Variants in MREG observed in about 807,000 individuals in gnomAD.
MREG encodes melanoregulin.
Under a neutral mutation model 28.5 loss-of-function variants are expected in MREG, and 31 were observed. The observed-to-expected ratio is 1.09, with a 90% CI of 0.82 to 1.47. MREG has a LOEUF of 1.47. MREG is among the 40% of genes most tolerant of loss of function. The pLI is 0.00. For synonymous variants in MREG, 106 were observed against 95.2 expected, an observed-to-expected ratio of 1.11 and a Z score of -0.66; for missense variants, 256 against 257.4, an observed-to-expected ratio of 0.99 and a Z score of 0.04.
At chr2:215,942,407 C>T (rs562493180), downstream of MREG, among the ~76,000 whole-genome samples, 1 of 152,274 alleles carries the variant, frequency 6.6e-6, no homozygotes, top group South Asian at 2.1e-4. Flanking sequence ...CCCCTGCGCC[C>T]CTCTCATGCA....
At chr2:216,023,691 A>G (rs961405111) in intron 1 of MREG, among the ~76,000 whole-genome samples, 1 of 152,070 alleles carries the variant, frequency 6.6e-6, no homozygotes, top group African/African-American at 2.4e-5. Flanking sequence ...TGTGTGTGTT[A>G]GAGTCTCACT....
chr2:215,996,483 G>A lies in MREG; in HGVS notation c.96-18C>T. 6.3e-7 allele frequency: 1 copy of A among 1,594,604 alleles called. No individual in the cohort carries two copies. The highest frequency in any genetic ancestry group is 8.6e-7 in the Non-Finnish European group (1 of 1,169,422). ...TGTTATCACTGTTGTATAAAAAAAG[G>A]AAAGATTGGGGTTTTATAATATACA... On this transcript the variant is annotated intron_variant, in intron 1 of 4. Coordinates refer to ENST00000263268, the MANE Select transcript of MREG (RefSeq NM_018000.3).
intron 2 of MREG, among the ~76,000 whole-genome samples, chr2:215,958,435 G>A (rs1357182422): frequency 1.3e-5 from 2 of 152,260 alleles, no homozygotes; most frequent in South Asian, 2.1e-4. Flanking sequence ...ACATCCAAAT[G>A]TATGACTGTA....
chr2:215,946,503 A>G (rs1692324415), intron 3 of MREG, among the ~76,000 whole-genome samples: 1 of 152,132 alleles, frequency 6.6e-6, no homozygotes, highest in African/African-American at 2.4e-5. Context: ...ATCCCGGGAG[A>G]ATTGAGAAAA....
Position 215,943,028 on chromosome 2 carries a change from C to T in MREG, c.*1835G>A, listed in dbSNP as rs572840102. On this transcript the variant is annotated 3_prime_UTR_variant, in exon 5 of 5. Coordinates refer to ENST00000263268, the MANE Select transcript of MREG (RefSeq NM_018000.3). ...ACAATGCATTAATAAATGGAGAACA[C>T]GGATCTCGCCTATGAAATATTTTAA... 3.1e-3 allele frequency: 478 copies of T among 155,158 alleles called. 1 individual carries two copies. Among genetic ancestry groups the T allele is most frequent in the Non-Finnish European group, 5.4e-3 (374 of 69,508 alleles). 9.6% of individuals were successfully genotyped at this position (155,158 alleles called of 1,614,324 possible).
intron 2 of MREG, among the ~76,000 whole-genome samples, chr2:215,947,764 A>T (rs899836104): frequency 1.3e-5 from 2 of 152,140 alleles, no homozygotes; most frequent in African/African-American, 4.8e-5. Context: ...TTTTTTATTC[A>T]TTTTCCTTTG....
rs562133059 is a variant in MREG at position 216,010,632 on chromosome 2, C to T, written c.95+2601G>A. Among the ~76,000 whole-genome samples the T allele has an allele frequency of 1.0e-3, 154 of 151,204 alleles. 1 individual carries two copies. Among genetic ancestry groups the T allele is most frequent in the Non-Finnish European group, 1.1e-3 (74 of 67,784 alleles). On this transcript the variant is annotated intron_variant, in intron 1 of 4. Coordinates refer to ENST00000263268, the MANE Select transcript of MREG (RefSeq NM_018000.3). Reference sequence around the variant, plus strand: ...TCGGCCTCCCAAAGTGCTGGGATTACAGGCGTGAGCCACCGTGCCCGGCAG... The same window carrying T: ...TCGGCCTCCCAAAGTGCTGGGATTATAGGCGTGAGCCACCGTGCCCGGCAG...
Position 216,024,261 on chromosome 2 carries a change from G to A in MREG, c.-68+8528C>T, listed in dbSNP as rs1694562496. ...CATAAGAAGACCAGGTGCTGGCCAGGCACGGTAGCTCAGACTTGTAATCCC... is the reference window on the plus strand; with the variant it reads ...CATAAGAAGACCAGGTGCTGGCCAGACACGGTAGCTCAGACTTGTAATCCC... On this transcript the variant is annotated intron_variant, in intron 1 of 3. Transcript: ENST00000420348. 2.6e-5 allele frequency among the ~76,000 whole-genome samples: 4 copies of A among 152,102 alleles called. No individual in the cohort carries two copies. The South Asian group carries it at 8.3e-4, about 32-fold the overall frequency.
Position 216,007,501 on chromosome 2 carries a change from C to T in MREG, c.95+5732G>A, listed in dbSNP as rs185964556. Among the ~76,000 whole-genome samples the T allele has an allele frequency of 5.7e-3, 866 of 152,056 alleles. 6 individuals are homozygous for T. The highest frequency in any genetic ancestry group is 8.1e-3 in the Non-Finnish European group (551 of 67,996). On this transcript the variant is annotated intron_variant, in intron 1 of 4. Coordinates refer to ENST00000263268, the MANE Select transcript of MREG (RefSeq NM_018000.3). ...CTGGAGTGCAGTATCTCAATCTTGGCTCACTGCAACCTCCGCCTCCCAGAT... is the reference window on the plus strand; with the variant it reads ...CTGGAGTGCAGTATCTCAATCTTGGTTCACTGCAACCTCCGCCTCCCAGAT...
At chr2:216,007,174 T>A (rs1424881293) in intron 1 of MREG, among the ~76,000 whole-genome samples, 1 of 152,210 alleles carries the variant, frequency 6.6e-6, no homozygotes, top group Non-Finnish European at 1.5e-5. Context: ...TCTTCATTAT[T>A]TGGAGATTCT....
At position 216,024,924 on chromosome 2, in the gene MREG, AAAGGAACGG is replaced by A. The variant is rs1175302888; in HGVS notation, c.-68+7856_-68+7864del. On this transcript the variant is annotated intron_variant, in intron 1 of 3. Coordinates refer to the MREG transcript ENST00000420348. ...GGGAAAGGAAGGGAAAGGAAAAAAA[AAAGGAACGG>A]AAAGGAAGGGAAAGGAAGGGAAAGG... 1.8e-3 allele frequency among the ~76,000 whole-genome samples: 251 copies of A among 140,122 alleles called. 2 individuals are homozygous for A. Among genetic ancestry groups the A allele is most frequent in the Middle Eastern group, 0.01 (3 of 286 alleles). The allele number at this position is 140,122 out of a possible 152,430, so 91.9% of individuals were successfully genotyped here. A position where few individuals can be genotyped will look rare whatever the true frequency, so the allele number is the denominator to read the frequency against.
chr2:215,956,436 G>A (rs1692630125), intron 2 of MREG, among the ~76,000 whole-genome samples: 1 of 151,922 alleles, frequency 6.6e-6, no homozygotes, highest in Admixed American at 6.6e-5. Context: ...TCCTTTTTGG[G>A]TTTTGTCAGG....
At chr2:215,972,826 G>A (rs1036844132) in intron 2 of MREG, among the ~76,000 whole-genome samples, 7 of 152,040 alleles carry the variant, frequency 4.6e-5, no homozygotes, top group African/African-American at 1.2e-4. Context: ...CACCAATTAC[G>A]ATGAATTGGG....
chr2:215,943,788 C>T lies in MREG; in HGVS notation c.*1075G>A, dbSNP rs1218244649. ...ACCGGAAGGCGGAGGTTGCAGTGAG[C>T]CGAGATCGCACCACTGTACTCCAGC... On this transcript the variant is annotated 3_prime_UTR_variant, in exon 5 of 5. Coordinates refer to ENST00000263268, the MANE Select transcript of MREG (RefSeq NM_018000.3). 3.8e-5 allele frequency: 8 copies of T among 208,700 alleles called. No individual in the cohort carries two copies. The highest frequency in any genetic ancestry group is 2.8e-5 in the Non-Finnish European group (3 of 105,688). The allele number at this position is 208,700 out of a possible 1,614,324, so 12.9% of individuals were successfully genotyped here.
downstream of MREG, among the ~76,000 whole-genome samples, chr2:215,940,394 A>G (rs1357109978): frequency 6.6e-6 from 1 of 152,226 alleles, no homozygotes; most frequent in African/African-American, 2.4e-5. Flanking sequence ...AAATGAATAA[A>G]TACATTAATT....
In MREG at chr2:215,944,908, T is replaced by C; in HGVS notation, c.600A>G (p.Ala200=). The C allele has an allele frequency of 1.2e-6, 2 of 1,608,264 alleles. No individual in the cohort carries two copies. The highest frequency in any genetic ancestry group is 1.7e-6 in the Non-Finnish European group (2 of 1,175,186). The change falls in exon 5 of 5, where the codon GCA becomes GCG. Residue 200 remains alanine, a synonymous_variant. Transcript: ENST00000263268. ...GGTAGTGCAGTTCTTTCTGGCCATC[T>C]GCCAGGCATGGAACCCCAGGCTTCT... ...YPKKPGVPCL[A]DGQKELHYLP...
chr2:215,980,302 C>T (rs1227484992), intron 2 of MREG, among the ~76,000 whole-genome samples: 1 of 152,088 alleles, frequency 6.6e-6, no homozygotes, highest in Non-Finnish European at 1.5e-5. Context: ...TTCTGGGGCT[C>T]CAGGGCAGTG....
rs1574643601 is a variant in MREG, at chr2:216,000,647, CTTCTACAT to C, written c.96-4190_96-4183del. 5.3e-5 allele frequency among the ~76,000 whole-genome samples: 8 copies of C among 152,302 alleles called. No individual in the cohort carries two copies. The South Asian group carries it at 1.0e-3, about 20-fold the overall frequency. ...AGGGCAGGGGTTGTATCCAGTATTTCTTCTACATTTCTACATTTCTTCCCCACATCACC... is the reference window on the plus strand; with the variant it reads ...AGGGCAGGGGTTGTATCCAGTATTTCTTCTACATTTCTTCCCCACATCACC... On this transcript the variant is annotated intron_variant, in intron 1 of 4. Coordinates refer to ENST00000263268, the MANE Select transcript of MREG (RefSeq NM_018000.3).
chr2:215,951,466 T>C (rs1378420402), intron 2 of MREG, among the ~76,000 whole-genome samples: 1 of 152,248 alleles, frequency 6.6e-6, no homozygotes, highest in African/African-American at 2.4e-5. Context: ...CATCAAAAGT[T>C]AAAGTCTTAT....
Sources: gnomAD v4.1 joint callset for allele counts (sites outside exome capture counted in the v4.1 genomes callset) on GRCh38, gnomAD v4.1.1 for gene constraint, MANE v1.5 for transcripts, NCBI Gene and HGNC (gene_info 2026-07-23, HGNC 2026-07-21) for gene names.